Variants in TET3 observed in about 807,000 individuals in gnomAD.
TET3 encodes tet methylcytosine dioxygenase 3.
In TET3, 19 loss-of-function variants were observed where a neutral mutation model predicts 141.4. That is an observed-to-expected ratio of 0.13 (90% CI 0.09 to 0.20). TET3 has a LOEUF of 0.20. TET3 is among the 10% of genes least tolerant of loss of function. The pLI, the probability that TET3 is intolerant of heterozygous loss-of-function variation, is 1.00. For synonymous variants in TET3, 1,043 were observed against 980.9 expected, an observed-to-expected ratio of 1.06 and a Z score of -1.18; for missense variants, 1,874 against 2,356.9, an observed-to-expected ratio of 0.80 and a Z score of 4.24.
chr2:74,039,426 C>T (rs1244185168), intron 3 of TET3, among the ~76,000 whole-genome samples: 1 of 152,222 alleles, frequency 6.6e-6, no homozygotes, highest in East Asian at 1.9e-4. Context: ...ACTGCTTTCA[C>T]AGCACTGATA....
chr2:74,076,262 GT>G (rs1209452742), intron 5 of TET3, among the ~76,000 whole-genome samples: 1 of 151,892 alleles, frequency 6.6e-6, no homozygotes, highest in Non-Finnish European at 1.5e-5. Flanking sequence ...GAATACTTGT[GT>G]TTTTCCTTAG....
chr2:74,122,336 C>T, the TET3 span: 1 of 151,358 alleles, frequency 6.6e-6, no homozygotes, highest in Admixed American at 6.6e-5. Flanking sequence ...AAAACCCAAT[C>T]CAAAATCCCA....
intron 10 of TET3, among the ~76,000 whole-genome samples, chr2:74,094,917 G>C (rs1165608391): frequency 6.6e-6 from 1 of 152,182 alleles, no homozygotes; most frequent in Non-Finnish European, 1.5e-5. Flanking sequence ...GAGTAGGCAG[G>C]GGGCAAGGAG....
At chr2:73,996,505 ATTTT>A (rs775849550) in intron 2 of TET3, among the ~76,000 whole-genome samples, 1 of 151,254 alleles carries the variant, frequency 6.6e-6, no homozygotes, top group Non-Finnish European at 1.5e-5. Flanking sequence ...ATAACCTAAG[ATTTT>A]TTTTTATTTT....
intron 3 of TET3, among the ~76,000 whole-genome samples, chr2:74,034,928 A>G (rs1431860142): frequency 6.6e-6 from 1 of 151,062 alleles, no homozygotes; most frequent in Non-Finnish European, 1.5e-5. Context: ...CGCAGTGGCT[A>G]TGCCTGTAAT....
chr2:74,076,513 C>A (rs1052520916), intron 5 of TET3, among the ~76,000 whole-genome samples: 2 of 122,138 alleles, frequency 1.6e-5, no homozygotes, highest in African/African-American at 6.7e-5. Context: ...TCCTAACAAG[C>A]CTTTTTTGGA....
chr2:74,067,170 C>G (rs754000772), intron 4 of TET3, among the ~76,000 whole-genome samples: 2 of 152,004 alleles, frequency 1.3e-5, no homozygotes, highest in African/African-American at 4.8e-5. Flanking sequence ...TTCTGTAATT[C>G]TATTTTATGG....
chr2:73,986,641 A>T lies in TET3; in HGVS notation c.238A>T (p.Thr80Ser). 1 of 1,232,144 alleles carries T rather than the reference A, an allele frequency of 8.1e-7. No individual in the cohort carries two copies. Among genetic ancestry groups the T allele is most frequent in the Non-Finnish European group, 1.0e-6 (1 of 988,004 alleles). 76.3% of individuals were successfully genotyped at this position (1,232,144 alleles called of 1,614,324 possible). A position where few individuals can be genotyped will look rare whatever the true frequency, so the allele number is the denominator to read the frequency against. The change falls in exon 2 of 12, where the codon ACG becomes TCG. Residue 80 changes from threonine to serine, a missense_variant. Thr to Ser is a moderately conservative substitution (Grantham distance 58). Around this residue, in one of 10 missense-constraint regions of TET3, gnomAD observed 366 missense variants for 487.0 expected, o/e 0.75. Transcript: ENST00000409262. ...GACTSCTNRR[T>S]HQICKLRKCE... ...TTGCACTAGCTGTACCAACCGCCGC[A>T]CGCACCAGATCTGCAAACTGCGAAA...
chr2:74,014,339 A>C (rs1372596774), intron 3 of TET3, among the ~76,000 whole-genome samples: 1 of 151,966 alleles, frequency 6.6e-6, no homozygotes. Context: ...GTTCTTGGAG[A>C]GGTTTCGATG....
chr2:74,059,854 T>C (rs1405240779), intron 4 of TET3, among the ~76,000 whole-genome samples: 5 of 152,228 alleles, frequency 3.3e-5, no homozygotes, highest in Non-Finnish European at 7.3e-5. Context: ...ACATTTGTTA[T>C]CTGCCCCGTC....
intron 4 of TET3, among the ~76,000 whole-genome samples, chr2:74,062,808 A>C (rs183989341): frequency 2.0e-5 from 3 of 151,976 alleles, no homozygotes; most frequent in Non-Finnish European, 2.9e-5. Flanking sequence ...AGGTTAGTAA[A>C]CCTTGTTTCA....
chr2:73,994,614 T>TTTTCTTTCTTTC (rs935777591), intron 2 of TET3, among the ~76,000 whole-genome samples: 40 of 143,580 alleles, frequency 2.8e-4, no homozygotes, highest in African/African-American at 1.1e-3. Context: ...GGTCTATTTT[T>TTTTCTTTCTTTC]TTTCTTTCTT....
the TET3 span, among the ~76,000 whole-genome samples, chr2:74,123,535 G>A: frequency 2.0e-5 from 3 of 152,328 alleles, no homozygotes; most frequent in Admixed American, 2.0e-4. Context: ...GTGCAGGAGG[G>A]ATTCGGTAAC....
chr2:74,126,500 ATTTTTTTTTT>A, the TET3 span, among the ~76,000 whole-genome samples: 1 of 120,986 alleles, frequency 8.3e-6, no homozygotes, highest in Non-Finnish European at 1.6e-5. Flanking sequence ...TATTTGCTGG[ATTTTTTTTTT>A]TTTTTTTTTT....
chr2:74,100,636 C>T lies in TET3; in HGVS notation c.3848C>T (p.Ser1283Phe). ...NGFHSKYALP[S>F]FSYYGFPSSN... ...TTCCACTCCAAGTACGCTCTCCCGT[C>T]TTTTAGCTACTATGGCTTTCCATCC... Residue 1283 changes from serine to phenylalanine, a missense_variant, in exon 12 of 12, where the codon TCT becomes TTT. Physicochemically the swap from Ser to Phe is radical, Grantham distance 155 (BLOSUM62 -2). Transcript: ENST00000409262. 6.2e-7 allele frequency: 1 copy of T among 1,614,076 alleles called. No homozygotes were observed. Among genetic ancestry groups the T allele is most frequent in the South Asian group, 1.1e-5 (1 of 91,082 alleles).
At chr2:74,122,993 C>T in the TET3 span, 1 of 152,080 alleles carries the variant, frequency 6.6e-6, no homozygotes, top group East Asian at 1.9e-4. Context: ...CACACCCAGC[C>T]TTGATAATGA....
In TET3 at chr2:74,099,272, G is replaced by T. The variant is rs1254360808; in HGVS notation, c.3268-4G>T. The T allele has an allele frequency of 1.1e-5, 17 of 1,580,794 alleles. No homozygotes were observed. The highest frequency in any genetic ancestry group is 1.4e-5 in the Non-Finnish European group (16 of 1,162,060). On this transcript the variant is annotated splice_polypyrimidine_tract_variant and splice_region_variant and intron_variant, in intron 10 of 11. Transcript: ENST00000409262. Reference sequence around the variant, plus strand: ...TGTCCTCTCTCCCCCACTGCTTGGGGCAGGTCTGCACCCTGACCAAGGAAG... The same window carrying T: ...TGTCCTCTCTCCCCCACTGCTTGGGTCAGGTCTGCACCCTGACCAAGGAAG...
intron 3 of TET3, among the ~76,000 whole-genome samples, chr2:74,003,796 C>G (rs1685002579): frequency 1.3e-5 from 2 of 149,134 alleles, no homozygotes; most frequent in South Asian, 4.3e-4. Flanking sequence ...AGAGAGTGTT[C>G]CCAGGTGCGT....
At chr2:74,118,957 C>T in the TET3 span, among the ~76,000 whole-genome samples, 1 of 152,212 alleles carries the variant, frequency 6.6e-6, no homozygotes, top group South Asian at 2.1e-4. Context: ...AACCAAGACT[C>T]AAACCAAGAT....
Sources: gnomAD v4.1 joint callset for allele counts (sites outside exome capture counted in the v4.1 genomes callset) on GRCh38, gnomAD v4.1.1 for gene constraint, gnomAD v4.1.1 regional missense constraint, MANE v1.5 for transcripts, NCBI Gene and HGNC (gene_info 2026-07-23, HGNC 2026-07-21) for gene names.